Variants in CACNA2D3 observed in about 807,000 individuals in gnomAD.
The protein encoded by CACNA2D3 is calcium voltage-gated channel auxiliary subunit alpha2delta 3, also known as voltage-dependent calcium channel subunit alpha-2/delta-3.
In CACNA2D3, 60 loss-of-function variants were observed where a neutral mutation model predicts 160.6. That is an observed-to-expected ratio of 0.37 (90% CI 0.30 to 0.46). The LOEUF (loss-of-function observed/expected upper bound fraction) is 0.46, where lower values mean the gene tolerates loss of function less well. CACNA2D3 is among the 20% of genes least tolerant of loss of function. CACNA2D3 has a pLI of 1.00. For missense variants in CACNA2D3, 1,205 were observed against 1,365.0 expected (o/e 0.88, Z 1.85); for synonymous variants, 558 against 492.9 (o/e 1.13, Z -1.75).
chr3:54,930,392 C>T (rs1701154466), intron 27 of CACNA2D3, among the ~76,000 whole-genome samples: 1 of 152,174 alleles, frequency 6.6e-6, no homozygotes, highest in Non-Finnish European at 1.5e-5. Flanking sequence ...GATTGAAAGG[C>T]ACTCTACTTA....
chr3:54,354,742 C>A (rs1362359524), intron 3 of CACNA2D3, among the ~76,000 whole-genome samples: 5 of 152,170 alleles, frequency 3.3e-5, no homozygotes, highest in Admixed American at 6.5e-5. Flanking sequence ...CTGCTGGACC[C>A]CTTGGGCTAC....
intron 11 of CACNA2D3, among the ~76,000 whole-genome samples, chr3:54,687,140 T>TTTTTTTTTTTTTTTTG (rs1559549449): frequency 4.3e-5 from 3 of 69,670 alleles, no homozygotes; most frequent in African/African-American, 1.8e-4. Context: ...TTTTTGTTTT[T>TTTTTTTTTTTTTTTTG]TTTTTTTTTT....
intron 2 of CACNA2D3, among the ~76,000 whole-genome samples, chr3:54,163,197 T>A (rs1049291984): frequency 6.6e-6 from 1 of 152,208 alleles, no homozygotes; most frequent in Admixed American, 6.5e-5. Context: ...TAAGTGCTTA[T>A]AAGAGCCAAC....
chr3:54,410,310 C>T (rs916870143), intron 4 of CACNA2D3, among the ~76,000 whole-genome samples: 5 of 151,942 alleles, frequency 3.3e-5, no homozygotes, highest in Admixed American at 6.6e-5. Context: ...GCCGAGATTG[C>T]GCCACTGCTC....
intron 11 of CACNA2D3, among the ~76,000 whole-genome samples, chr3:54,717,529 G>C (rs570086423): frequency 6.7e-6 from 1 of 148,826 alleles, no homozygotes; most frequent in African/African-American, 2.5e-5. Flanking sequence ...TGTGTGTGGT[G>C]TGTGTGTGGT....
At chr3:54,334,772 C>T (rs947067825) in intron 3 of CACNA2D3, among the ~76,000 whole-genome samples, 1 of 152,122 alleles carries the variant, frequency 6.6e-6, no homozygotes, top group Admixed American at 6.5e-5. Context: ...GGTTACATGG[C>T]GAACACTTTG....
At chr3:54,787,638 A>C (rs546466073) in intron 13 of CACNA2D3, among the ~76,000 whole-genome samples, 163 of 152,322 alleles carry the variant, frequency 1.1e-3, no homozygotes, top group African/African-American at 3.0e-3. Flanking sequence ...AAGGGTAATA[A>C]ATTATGGAGA....
chr3:54,859,972 G>GCACGCACACA (rs1553891456), intron 17 of CACNA2D3, among the ~76,000 whole-genome samples: 1 of 133,788 alleles, frequency 7.5e-6, no homozygotes, highest in African/African-American at 2.8e-5. Context: ...GAAAGTAGAT[G>GCACGCACACA]CACACACACA....
intron 35 of CACNA2D3, among the ~76,000 whole-genome samples, chr3:55,033,886 T>TTAATATATAATATATATTACATA (rs1703756526): frequency 8.1e-6 from 1 of 124,182 alleles, no homozygotes; most frequent in Non-Finnish European, 1.7e-5. Context: ...TATTACATAT[T>TTAATATATAATATATATTACATA]AAGTATATTT....
At chr3:54,207,813 G>A (rs530119980) in intron 2 of CACNA2D3, among the ~76,000 whole-genome samples, 5 of 152,160 alleles carry the variant, frequency 3.3e-5, no homozygotes, top group South Asian at 2.1e-4. Flanking sequence ...AGATAGGGCC[G>A]CTTGTCAGCA....
At chr3:54,614,130 G>A (rs550787361) in intron 9 of CACNA2D3, among the ~76,000 whole-genome samples, 3 of 152,304 alleles carry the variant, frequency 2.0e-5, no homozygotes, top group African/African-American at 7.2e-5. Flanking sequence ...ATGCTGCAAG[G>A]ATATTGGGAT....
chr3:54,216,937 A>T (rs1261157902), intron 2 of CACNA2D3, among the ~76,000 whole-genome samples: 2 of 152,184 alleles, frequency 1.3e-5, no homozygotes, highest in Non-Finnish European at 2.9e-5. Flanking sequence ...GAGATAAAGA[A>T]GAACTAAGTA....
intron 4 of CACNA2D3, among the ~76,000 whole-genome samples, chr3:54,463,219 C>G (rs1430902022): frequency 6.6e-6 from 1 of 152,050 alleles, no homozygotes; most frequent in African/African-American, 2.4e-5. Flanking sequence ...TTTTTTCCTT[C>G]ATTTCAACTT....
intron 11 of CACNA2D3, among the ~76,000 whole-genome samples, chr3:54,651,386 C>T (rs556658633): frequency 4.0e-5 from 6 of 150,672 alleles, no homozygotes; most frequent in South Asian, 2.1e-4. Context: ...GTGCGATTTC[C>T]GTGCTGTGTA....
At chr3:54,989,431 C>T (rs1475972133) in intron 31 of CACNA2D3, among the ~76,000 whole-genome samples, 1 of 152,162 alleles carries the variant, frequency 6.6e-6, no homozygotes, top group Non-Finnish European at 1.5e-5. Flanking sequence ...TCAGTTATTA[C>T]AGCAACTGCT....
chr3:55,036,758 G>A (rs1439794184), intron 35 of CACNA2D3, among the ~76,000 whole-genome samples: 2 of 152,132 alleles, frequency 1.3e-5, no homozygotes, highest in East Asian at 1.9e-4. Context: ...GAGCCACTGC[G>A]CTCGGCCGTG....
At chr3:54,514,473 C>T (rs1701511653) in intron 5 of CACNA2D3, among the ~76,000 whole-genome samples, 1 of 152,176 alleles carries the variant, frequency 6.6e-6, no homozygotes, top group East Asian at 1.9e-4. Flanking sequence ...CGTGGAGCAC[C>T]TCTAGCATGC....
chr3:54,376,713 C>G (rs1254491494), intron 3 of CACNA2D3, among the ~76,000 whole-genome samples: 1 of 152,170 alleles, frequency 6.6e-6, no homozygotes, highest in Non-Finnish European at 1.5e-5. Context: ...GCAGCAGCAG[C>G]AAGATAACAT....
chr3:54,822,318 A>G (rs1269741311), intron 14 of CACNA2D3, among the ~76,000 whole-genome samples: 1 of 152,246 alleles, frequency 6.6e-6, no homozygotes, highest in Non-Finnish European at 1.5e-5. Flanking sequence ...AAGTCTAGTC[A>G]CTTCAGCTTT....
Sources: allele counts gnomAD v4.1 joint callset (sites outside exome capture counted in the v4.1 genomes callset), GRCh38; gene constraint gnomAD v4.1.1; transcripts MANE v1.5; gene names NCBI Gene and HGNC (gene_info 2026-07-23, HGNC 2026-07-21).